Variants in XYLT1 observed in about 807,000 individuals in gnomAD.
The protein encoded by XYLT1 is xylosyltransferase 1.
A neutral mutation model predicts 91.3 loss-of-function variants in XYLT1; 36 were observed. The ratio of observed to expected loss-of-function variants is 0.39; its 90% CI spans 0.30 to 0.52. The LOEUF is 0.52. Ranked by LOEUF, XYLT1 falls within the 20% of genes least tolerant of loss-of-function variation. XYLT1 has a pLI of 0.68. For synonymous variants in XYLT1, 588 were observed against 532.0 expected, an observed-to-expected ratio of 1.11 and a Z score of -1.45; for missense variants, 1,242 against 1,284.5, an observed-to-expected ratio of 0.97 and a Z score of 0.51.
At position 17,312,115 on chromosome 16, in the gene XYLT1, T is replaced by C. The variant is rs1472043150; in HGVS notation, c.402+45897A>G. ...AAGAGTCAAGGTGTGAGCTGGAGGA[T>C]GAAAAAGAGCTTGCCGACAGACAAG... On this transcript the variant is annotated intron_variant, in intron 2 of 11. Transcript: ENST00000261381. This position sits in a 1 kb window ranked among gnomAD's most constrained non-coding sequence, Gnocchi z 4.4. 6.6e-6 allele frequency among the ~76,000 whole-genome samples: 1 copy of C among 151,906 alleles called. No homozygotes were observed. Among genetic ancestry groups the C allele is most frequent in the Non-Finnish European group, 1.5e-5 (1 of 67,966 alleles).
Position 17,108,713 on chromosome 16 carries a change from A to C in XYLT1, c.2862T>G (p.Pro954=), listed in dbSNP as rs1186713928. The C allele has an allele frequency of 2.5e-6, 4 of 1,581,410 alleles. No individual in the cohort carries two copies. The highest frequency in any genetic ancestry group is 1.3e-5 in the African/African-American group (1 of 74,552). The change falls in exon 12 of 12, where the codon CCT becomes CCG. Residue 954 remains proline, a synonymous_variant. Coordinates refer to ENST00000261381, the MANE Select transcript of XYLT1 (RefSeq NM_022166.4). ...DPKSELGAVK[P]DGRLR is the part of the protein sequence containing the mutation. ...CCCAGTGCTACCTGAGCCGGCCATC[A>C]GGTTTGACTGCCCCCAGCTCCGACT...
intron 5 of XYLT1, among the ~76,000 whole-genome samples, chr16:17,162,622 A>C (rs566902683): frequency 6.6e-6 from 1 of 152,316 alleles, no homozygotes; most frequent in Non-Finnish European, 1.5e-5. Flanking sequence ...CAAGTGCAGA[A>C]GAAAAAAAAT....
At chr16:17,169,272 T>G (rs1019005991) in intron 5 of XYLT1, among the ~76,000 whole-genome samples, 8 of 152,172 alleles carry the variant, frequency 5.3e-5, no homozygotes, top group Non-Finnish European at 1.2e-4. Context: ...AGTACCTCCT[T>G]CTACAAAGGC....
chr16:17,346,433 G>T (rs775875665), intron 2 of XYLT1, among the ~76,000 whole-genome samples: 1 of 152,146 alleles, frequency 6.6e-6, no homozygotes, highest in Non-Finnish European at 1.5e-5. Flanking sequence ...ACCCCATCCC[G>T]AGGCCCCATG....
intron 2 of XYLT1, among the ~76,000 whole-genome samples, chr16:17,351,955 G>A (rs2035227296): frequency 6.6e-6 from 1 of 152,130 alleles, no homozygotes; most frequent in South Asian, 2.1e-4. Context: ...ACCAGTCGGG[G>A]CAACATAGCA....
chr16:17,273,242 T>C (rs1419027925), intron 2 of XYLT1, among the ~76,000 whole-genome samples: 1 of 152,222 alleles, frequency 6.6e-6, no homozygotes, highest in Non-Finnish European at 1.5e-5. Context: ...TTATATCACT[T>C]AGTTTGACCA....
chr16:17,345,812 T>TTAG (rs2035136474), intron 2 of XYLT1, among the ~76,000 whole-genome samples: 1 of 152,214 alleles, frequency 6.6e-6, no homozygotes, highest in East Asian at 1.9e-4. Flanking sequence ...CCGTTTTTAT[T>TTAG]TATTATTATT....
At chr16:17,142,264 A>G (rs887631834) in intron 6 of XYLT1, among the ~76,000 whole-genome samples, 1 of 152,004 alleles carries the variant, frequency 6.6e-6, no homozygotes, top group Non-Finnish European at 1.5e-5. Context: ...GCCTCAAGCA[A>G]TCCTCCCACC....
intron 1 of XYLT1, among the ~76,000 whole-genome samples, chr16:17,411,865 G>C (rs1188860093): frequency 2.6e-5 from 4 of 152,166 alleles, no homozygotes; most frequent in African/African-American, 4.8e-5. Flanking sequence ...CTGACTGATG[G>C]ACACAGTTAA....
chr16:17,279,762 C>T (rs1462342412), intron 2 of XYLT1, among the ~76,000 whole-genome samples: 1 of 152,184 alleles, frequency 6.6e-6, no homozygotes, highest in Non-Finnish European at 1.5e-5. Context: ...TCCTCCTCTG[C>T]ATATTAATTA....
chr16:17,428,181 G>A (rs1046442425), intron 1 of XYLT1, among the ~76,000 whole-genome samples: 6 of 152,034 alleles, frequency 3.9e-5, no homozygotes, highest in Admixed American at 2.6e-4. Context: ...CCAGAGGTTC[G>A]CCATGTTGGC....
At chr16:17,119,603 A>C (rs1282405087) in intron 10 of XYLT1, among the ~76,000 whole-genome samples, 1 of 152,176 alleles carries the variant, frequency 6.6e-6, no homozygotes. Context: ...ACAGAGCTTC[A>C]CTGCTAATAT....
intron 1 of XYLT1, 63 bp downstream of exon 1, chr16:17,470,371 C>T: frequency 8.3e-7 from 1 of 1,209,630 alleles, no homozygotes; most frequent in South Asian, 4.2e-5. Context: ...GCTAGGGGGG[C>T]GTGGGGTCGG....
chr16:17,339,980 A>G (rs2035042428), intron 2 of XYLT1, among the ~76,000 whole-genome samples: 1 of 150,950 alleles, frequency 6.6e-6, no homozygotes, highest in Admixed American at 6.6e-5. Flanking sequence ...TGCATCCATC[A>G]CCCCTTGTCC....
intron 3 of XYLT1, among the ~76,000 whole-genome samples, chr16:17,235,060 GA>G (rs879941543): frequency 4.1e-4 from 59 of 143,514 alleles, no homozygotes; most frequent in South Asian, 6.6e-4. Flanking sequence ...AAAACTTCCT[GA>G]AAAAAAAAAA....
intron 1 of XYLT1, among the ~76,000 whole-genome samples, chr16:17,408,255 T>C (rs996569069): frequency 6.6e-6 from 1 of 152,238 alleles, no homozygotes; most frequent in Admixed American, 6.5e-5. Context: ...TCAAAGTGCA[T>C]GCTAAGTAAG....
intron 3 of XYLT1, among the ~76,000 whole-genome samples, chr16:17,243,895 C>T (rs1364511834): frequency 6.6e-6 from 1 of 152,120 alleles, no homozygotes; most frequent in Non-Finnish European, 1.5e-5. Flanking sequence ...TGGAGAGAAG[C>T]AGATGCCCAG....
At chr16:17,201,243 C>T (rs2032535910) in intron 3 of XYLT1, among the ~76,000 whole-genome samples, 1 of 152,146 alleles carries the variant, frequency 6.6e-6, no homozygotes, top group African/African-American at 2.4e-5. Context: ...TCATCCAATA[C>T]CTTTTGTGGC....
At chr16:17,258,161 G>A (rs2033664792) in intron 3 of XYLT1, among the ~76,000 whole-genome samples, 1 of 150,478 alleles carries the variant, frequency 6.6e-6, no homozygotes, top group Non-Finnish European at 1.5e-5. Context: ...GTGGAAAGAA[G>A]GAAGGAAGGA....
Sources: allele counts gnomAD v4.1 joint callset (sites outside exome capture counted in the v4.1 genomes callset), GRCh38; gene constraint gnomAD v4.1.1; non-coding constraint Gnocchi (gnomAD v3.1); transcripts MANE v1.5; gene names NCBI Gene and HGNC (gene_info 2026-07-23, HGNC 2026-07-21).